CCDC171: variants seen among roughly 807,000 people sequenced by gnomAD.
CCDC171 encodes coiled-coil domain containing 171.
A neutral mutation model predicts 168.2 loss-of-function variants in CCDC171; 177 were observed. The observed-to-expected ratio is 1.05, with a 90% CI of 0.93 to 1.19. CCDC171 has a LOEUF of 1.19. Among genes scored for constraint, CCDC171 ranks in the 50% most tolerant of loss-of-function variants. The pLI is 0.00. For synonymous variants in CCDC171, 687 were observed against 540.8 expected (o/e 1.27, Z -3.75); for missense variants, 1,991 against 1,539.0 (o/e 1.29, Z -4.91).
chr9:15,689,341 G>A (rs186972979), intron 10 of CCDC171, among the ~76,000 whole-genome samples: 1 of 152,164 alleles, frequency 6.6e-6, no homozygotes, highest in East Asian at 1.9e-4. Context: ...AGACAGCTAT[G>A]CTTACCACTG....
chr9:15,767,486 A>G (rs958208612), intron 18 of CCDC171, among the ~76,000 whole-genome samples: 1 of 151,684 alleles, frequency 6.6e-6, no homozygotes, highest in Non-Finnish European at 1.5e-5. Context: ...AAGTCCACTG[A>G]TTAGCAAACT....
At chr9:15,758,539 G>A (rs1053175244) in intron 18 of CCDC171, among the ~76,000 whole-genome samples, 9 of 152,136 alleles carry the variant, frequency 5.9e-5, no homozygotes, top group Non-Finnish European at 8.8e-5. Flanking sequence ...AGTTAATGCC[G>A]AAATGAGTTA....
chr9:15,672,746 T>G (rs371956075), intron 9 of CCDC171, among the ~76,000 whole-genome samples: 1 of 152,232 alleles, frequency 6.6e-6, no homozygotes, highest in Non-Finnish European at 1.5e-5. Flanking sequence ...CTGTTTTGGT[T>G]ATTGTAGCCT....
intron 3 of CCDC171, among the ~76,000 whole-genome samples, chr9:15,577,400 C>T (rs1252083934): frequency 1.3e-5 from 2 of 152,054 alleles, no homozygotes; most frequent in African/African-American, 2.4e-5. Context: ...CTTCATTTTC[C>T]GAAGGCTTAT....
intron 6 of CCDC171, among the ~76,000 whole-genome samples, chr9:15,615,776 GAT>G (rs974911428): frequency 4.0e-5 from 5 of 125,006 alleles, no homozygotes; most frequent in African/African-American, 1.4e-4. Flanking sequence ...AATCACGTGT[GAT>G]TTTTTTTTTT....
chr9:15,683,025 A>G (rs973869250), intron 10 of CCDC171, among the ~76,000 whole-genome samples: 1 of 151,926 alleles, frequency 6.6e-6, no homozygotes, highest in African/African-American at 2.4e-5. Flanking sequence ...TCAAATTGGT[A>G]TTATTAGAAC....
rs1055375040 is a variant in CCDC171 at position 15,962,160 on chromosome 9, G to C, written c.3754-9449G>C. Among the ~76,000 whole-genome samples the C allele has an allele frequency of 7.0e-4, 107 of 152,116 alleles. 1 individual carries two copies. The highest frequency in any genetic ancestry group is 2.4e-3 in the African/African-American group (98 of 41,434). Reference sequence around the variant, plus strand: ...ATGGCCGCTTATGTGCTACAACACAGGGGCTAATGCTTGTAACAGAAAACA... The same window carrying C: ...ATGGCCGCTTATGTGCTACAACACACGGGCTAATGCTTGTAACAGAAAACA... On this transcript the variant is annotated intron_variant, in intron 25 of 25. Coordinates refer to ENST00000380701, the MANE Select transcript of CCDC171 (RefSeq NM_173550.4).
intron 3 of CCDC171, among the ~76,000 whole-genome samples, chr9:16,011,099 T>G (rs1832856402): frequency 6.6e-6 from 1 of 152,186 alleles, no homozygotes; most frequent in Non-Finnish European, 1.5e-5. Context: ...CTTTAATGGC[T>G]CATGGAGAAG....
intron 8 of CCDC171, among the ~76,000 whole-genome samples, chr9:15,662,929 T>C: frequency 6.6e-6 from 1 of 152,032 alleles, no homozygotes; most frequent in South Asian, 2.1e-4. Flanking sequence ...TGCAGTGAGC[T>C]GAGATTGCAC....
intron 25 of CCDC171, among the ~76,000 whole-genome samples, chr9:15,944,876 C>CT (rs1441953198): frequency 9.5e-5 from 14 of 147,882 alleles, no homozygotes; most frequent in Admixed American, 6.1e-4. Flanking sequence ...TTCTTTCTTT[C>CT]TTTCTTTCTT....
At chr9:15,778,643 C>CAAAAAAAAAAAAAAAAAAAAA (rs527592822) in intron 19 of CCDC171, among the ~76,000 whole-genome samples, 1 of 58,794 alleles carries the variant, frequency 1.7e-5, no homozygotes, top group Non-Finnish European at 2.9e-5. Context: ...AAGACTGTCT[C>CAAAAAAAAAAAAAAAAAAAAA]AAAAAAAAAA....
At chr9:16,047,330 A>G (rs892503077) in intron 1 of CCDC171, among the ~76,000 whole-genome samples, 1 of 152,156 alleles carries the variant, frequency 6.6e-6, no homozygotes, top group African/African-American at 2.4e-5. Flanking sequence ...TGCCCAAGCC[A>G]GAAATCTGGG....
At chr9:16,094,894 G>A in the CCDC171 span, among the ~76,000 whole-genome samples, 1 of 152,162 alleles carries the variant, frequency 6.6e-6, no homozygotes, top group African/African-American at 2.4e-5. Flanking sequence ...TGATGGAGGT[G>A]ATTGGATCCT....
chr9:15,606,423 C>G (rs1412635982), intron 6 of CCDC171, among the ~76,000 whole-genome samples: 1 of 152,124 alleles, frequency 6.6e-6, no homozygotes. Flanking sequence ...AAATGTTATA[C>G]AAAGCACCAG....
chr9:16,063,422 T>TGGGAATACCTCACTGCTA (rs1170877921), downstream of CCDC171, among the ~76,000 whole-genome samples: 4 of 152,176 alleles, frequency 2.6e-5, no homozygotes, highest in Non-Finnish European at 4.4e-5. Context: ...GTGTTGAGTT[T>TGGGAATACCTCACTGCTA]GGGAATACCT....
intron 3 of CCDC171, among the ~76,000 whole-genome samples, chr9:16,013,804 A>G (rs1832941400): frequency 6.6e-6 from 1 of 152,240 alleles, no homozygotes; most frequent in South Asian, 2.1e-4. Context: ...GTAGTCTGTT[A>G]AGACATTATG....
the CCDC171 span, among the ~76,000 whole-genome samples, chr9:16,096,267 TTAAAG>T: frequency 6.6e-6 from 1 of 152,014 alleles, no homozygotes; most frequent in African/African-American, 2.4e-5. Flanking sequence ...CCATAGTAAA[TTAAAG>T]AAAGGAAGGA....
intron 11 of CCDC171, among the ~76,000 whole-genome samples, chr9:15,712,410 G>A (rs2052737069): frequency 6.6e-6 from 1 of 152,148 alleles, no homozygotes; most frequent in East Asian, 1.9e-4. Context: ...GAATCATACA[G>A]TGTTTGTGTT....
chr9:15,652,204 AT>A (rs1468661173), intron 7 of CCDC171, among the ~76,000 whole-genome samples: 1 of 151,986 alleles, frequency 6.6e-6, no homozygotes, highest in African/African-American at 2.4e-5. Flanking sequence ...TTTAGAATTT[AT>A]TTTTTTATAT....
Sources: allele counts gnomAD v4.1 joint callset (sites outside exome capture counted in the v4.1 genomes callset), GRCh38; gene constraint gnomAD v4.1.1; transcripts MANE v1.5; gene names NCBI Gene and HGNC (gene_info 2026-07-23, HGNC 2026-07-21).